The following PPFIBP1 variants were observed in gnomAD, a reference collection of about 807,000 sequenced individuals.
PPFIBP1 encodes the protein PPFIB scaffold protein 1.
PPFIBP1 carries 112 observed loss-of-function variants against 137.8 expected under a neutral mutation model. That is an observed-to-expected ratio of 0.81 (90% CI 0.70 to 0.95). The LOEUF (loss-of-function observed/expected upper bound fraction) is 0.95. PPFIBP1 is among the 40% of genes least tolerant of loss of function. The pLI, the probability that PPFIBP1 is intolerant of heterozygous loss-of-function variation, is 0.00. For synonymous variants in PPFIBP1, 378 were observed against 417.3 expected, an observed-to-expected ratio of 0.91 and a Z score of 1.15; for missense variants, 1,083 against 1,196.6, an observed-to-expected ratio of 0.91 and a Z score of 1.40.
At chr12:27,645,718 C>A (rs1380118756) in intron 4 of PPFIBP1, among the ~76,000 whole-genome samples, 1 of 152,226 alleles carries the variant, frequency 6.6e-6, no homozygotes, top group Admixed American at 6.5e-5. Context: ...CAGACCTCAA[C>A]AACTCGGGGT....
intron 9 of PPFIBP1, among the ~76,000 whole-genome samples, chr12:27,657,545 G>C (rs914542260): frequency 6.6e-6 from 1 of 151,094 alleles, no homozygotes; most frequent in Non-Finnish European, 1.5e-5. Flanking sequence ...TCCATTTTAT[G>C]AACATTAGTA....
chr12:27,551,385 A>G (rs1198869072), intron 1 of PPFIBP1, among the ~76,000 whole-genome samples: 1 of 152,210 alleles, frequency 6.6e-6, no homozygotes, highest in Non-Finnish European at 1.5e-5. Flanking sequence ...CACTAGTACT[A>G]CGAAGGTCTA....
At chr12:27,536,623 C>G (rs1268867019) in intron 1 of PPFIBP1, among the ~76,000 whole-genome samples, 1 of 152,190 alleles carries the variant, frequency 6.6e-6, no homozygotes, top group East Asian at 1.9e-4. Context: ...CAGGCCCCAC[C>G]CCCAACAGTG....
At chr12:27,682,174 G>A (rs1289777418) in intron 22 of PPFIBP1, among the ~76,000 whole-genome samples, 2 of 152,278 alleles carry the variant, frequency 1.3e-5, no homozygotes, top group African/African-American at 2.4e-5. Flanking sequence ...TGAGTCACTA[G>A]GGAATGCCTA....
intron 2 of PPFIBP1, among the ~76,000 whole-genome samples, chr12:27,591,129 A>G (rs1199991427): frequency 6.6e-6 from 1 of 151,744 alleles, no homozygotes; most frequent in Non-Finnish European, 1.5e-5. Context: ...AAGGTATCTG[A>G]CACTCCTATT....
chr12:27,683,407 G>A (rs1215507131), intron 24 of PPFIBP1, among the ~76,000 whole-genome samples: 1 of 152,182 alleles, frequency 6.6e-6, no homozygotes, highest in Non-Finnish European at 1.5e-5. Flanking sequence ...TTAAGCCCAA[G>A]CTATCTCTAA....
intron 1 of PPFIBP1, chr12:27,552,560 G>C (rs1229854655): frequency 2.0e-5 from 3 of 152,340 alleles, no homozygotes; most frequent in East Asian, 3.9e-4. Flanking sequence ...TTATGTACCA[G>C]AGGTGGAATT....
intron 10 of PPFIBP1, 127 bp downstream of exon 10, chr12:27,658,975 C>A: frequency 1.2e-6 from 1 of 867,736 alleles, no homozygotes; most frequent in South Asian, 1.7e-5. Flanking sequence ...ATAAGCCCTC[C>A]ATTTCTTCAG....
Position 27,694,621 on chromosome 12 carries a change from T to A in PPFIBP1, c.*1739T>A, listed in dbSNP as rs751963801. ...CTATTTTGTGACGATAAGATGTAGTTCATGTTTTTCTGTAGCACTGGGCCC... is the reference window on the plus strand; with the variant it reads ...CTATTTTGTGACGATAAGATGTAGTACATGTTTTTCTGTAGCACTGGGCCC... On this transcript the variant is annotated 3_prime_UTR_variant, in exon 30 of 30. Transcript: ENST00000228425. The A allele has an allele frequency of 6.6e-6, 1 of 152,264 alleles. No homozygotes were observed. Among genetic ancestry groups the A allele is most frequent in the Non-Finnish European group, 1.5e-5 (1 of 68,044 alleles). 9.4% of individuals were successfully genotyped at this position (152,264 alleles called of 1,614,324 possible). A position where few individuals can be genotyped will look rare whatever the true frequency, so the allele number is the denominator to read the frequency against.
chr12:27,599,959 A>G (rs6487617), intron 2 of PPFIBP1, among the ~76,000 whole-genome samples: 118,734 of 152,114 alleles, frequency 0.78, 46,774 homozygotes, highest in Middle Eastern at 0.91. Flanking sequence ...TAGTGAAAAA[A>G]CAGGAAATTC....
At chr12:27,660,370 T>C (rs2059465249) in intron 10 of PPFIBP1, among the ~76,000 whole-genome samples, 1 of 152,220 alleles carries the variant, frequency 6.6e-6, no homozygotes, top group Admixed American at 6.5e-5. Context: ...AAAGTACTTA[T>C]TATCCTTACG....
At chr12:27,640,156 T>G (rs1473329687) in intron 4 of PPFIBP1, among the ~76,000 whole-genome samples, 1 of 152,176 alleles carries the variant, frequency 6.6e-6, no homozygotes. Context: ...AACAAATTGA[T>G]CAAATCGGCA....
chr12:27,635,228 C>T (rs2057570942), intron 4 of PPFIBP1, 113 bp downstream of exon 4: 12 of 938,386 alleles, frequency 1.3e-5, no homozygotes, highest in African/African-American at 5.0e-5. Context: ...ACATGTGCTC[C>T]GATTTTATTA....
In PPFIBP1 at chr12:27,649,884, T is replaced by G. The variant is rs182572501; in HGVS notation, c.472-126T>G. The stretch of plus-strand genomic sequence containing the variant: ...AATAATTTTTTAAAAGTGTGTAGAT[T>G]CAGTAATTATACTTCACTATATCCT... On this transcript the variant is annotated intron_variant, in intron 6 of 29. Transcript: ENST00000228425. 105 of 866,594 alleles carry G rather than the reference T, an allele frequency of 1.2e-4. 1 individual carries two copies. The African/African-American group carries it at 1.6e-3, about 13-fold the overall frequency. 53.7% of individuals were successfully genotyped at this position (866,594 alleles called of 1,614,324 possible).
chr12:27,688,798 G>A (rs945187340), intron 26 of PPFIBP1, among the ~76,000 whole-genome samples: 7 of 152,084 alleles, frequency 4.6e-5, no homozygotes, highest in Admixed American at 4.6e-4. Context: ...CCTGAAGCCT[G>A]GATTTCAGGA....
chr12:27,649,400 T>C (rs747377979), intron 6 of PPFIBP1, among the ~76,000 whole-genome samples: 1 of 152,180 alleles, frequency 6.6e-6, no homozygotes, highest in Non-Finnish European at 1.5e-5. Context: ...ATAGCAAACA[T>C]AGTATCACCA....
At chr12:27,531,183 C>A (rs1303435445) in intron 1 of PPFIBP1, among the ~76,000 whole-genome samples, 1 of 152,176 alleles carries the variant, frequency 6.6e-6, no homozygotes, top group Non-Finnish European at 1.5e-5. Flanking sequence ...TTATTACAGT[C>A]TAATATTGGC....
intron 2 of PPFIBP1, among the ~76,000 whole-genome samples, chr12:27,628,245 A>G (rs2056992987): frequency 1.3e-5 from 2 of 152,150 alleles, no homozygotes; most frequent in African/African-American, 4.8e-5. Flanking sequence ...CAGTGGCACA[A>G]TCACAGCTCA....
intron 2 of PPFIBP1, among the ~76,000 whole-genome samples, chr12:27,599,108 T>G (rs2053667068): frequency 6.6e-6 from 1 of 152,278 alleles, no homozygotes. Flanking sequence ...TAAGCTGTTA[T>G]GATGCTTAAT....
Sources: allele counts gnomAD v4.1 joint callset (sites outside exome capture counted in the v4.1 genomes callset), GRCh38; gene constraint gnomAD v4.1.1; transcripts MANE v1.5; gene names NCBI Gene and HGNC (gene_info 2026-07-23, HGNC 2026-07-21).